The following NET1 variants were observed in gnomAD, a reference collection of about 807,000 sequenced individuals.
NET1 encodes the protein neuroepithelial cell-transforming gene 1 protein.
A neutral mutation model predicts 61.1 loss-of-function variants in NET1; 42 were observed. The observed-to-expected ratio is 0.69, with a 90% confidence interval of 0.54 to 0.89. The LOEUF (loss-of-function observed/expected upper bound fraction) is 0.89. Ranked by LOEUF, NET1 falls within the 40% of genes least tolerant of loss-of-function variation. NET1 has a pLI of 0.00. For synonymous variants in NET1, 254 were observed against 281.8 expected (o/e 0.90, Z 0.99); for missense variants, 654 against 747.3 (o/e 0.88, Z 1.46).
At position 5,417,655 on chromosome 10, in the gene NET1, GC is replaced by G; in HGVS notation, c.128+4838del. Among the ~76,000 whole-genome samples, 1 of 152,112 alleles carries G rather than the reference GC, an allele frequency of 6.6e-6. No homozygotes were observed. Among genetic ancestry groups the G allele is most frequent in the Non-Finnish European group, 1.5e-5 (1 of 68,016 alleles). On this transcript the variant is annotated intron_variant, in intron 1 of 11. Coordinates refer to ENST00000355029, the MANE Select transcript of NET1 (RefSeq NM_001047160.3). This position sits in a 1 kb window ranked among gnomAD's most constrained non-coding sequence, Gnocchi z 5.5. Reference sequence around the variant, plus strand: ...TTACTTCTTTTTCCAATCTCTGGATGCCCTTTACTTTTTTCTCTTTCCTAAT... The same window carrying G: ...TTACTTCTTTTTCCAATCTCTGGATGCCTTTACTTTTTTCTCTTTCCTAAT...
At chr10:5,438,861 G>C (rs1309327962) in intron 3 of NET1, among the ~76,000 whole-genome samples, 1 of 152,206 alleles carries the variant, frequency 6.6e-6, no homozygotes, top group Non-Finnish European at 1.5e-5. Context: ...AACCAGCCTT[G>C]GTAAAAGAGC....
intron 3 of NET1, among the ~76,000 whole-genome samples, chr10:5,445,337 C>A (rs1454590754): frequency 6.6e-6 from 1 of 152,230 alleles, no homozygotes; most frequent in Non-Finnish European, 1.5e-5. Context: ...GAAGTGGTTT[C>A]TCTTCCAGAA....
intron 3 of NET1, among the ~76,000 whole-genome samples, chr10:5,442,877 T>A (rs201467447): frequency 7.1e-6 from 1 of 141,598 alleles, no homozygotes; most frequent in Non-Finnish European, 1.5e-5. Flanking sequence ...ACCCTGTCTT[T>A]AAAAAAAAAA....
At chr10:5,436,225 C>CATATATATATAT (rs1411296575) in intron 3 of NET1, among the ~76,000 whole-genome samples, 5 of 24,624 alleles carry the variant, frequency 2.0e-4, no homozygotes, top group African/African-American at 9.6e-4. Context: ...TGTGTGTGTG[C>CATATATATATAT]ATATATATAT....
At chr10:5,433,919 A>C (rs1049279870) in intron 3 of NET1, among the ~76,000 whole-genome samples, 2 of 55,426 alleles carry the variant, frequency 3.6e-5, no homozygotes, top group South Asian at 8.0e-4. Context: ...ATTCTGAAAT[A>C]ATTTTTTTTA....
chr10:5,446,601 C>CG lies in NET1; in HGVS notation c.256-5227dup. On this transcript the variant is annotated intron_variant, in intron 3 of 11. Transcript: ENST00000355029. The surrounding 1 kb of genome is among the most constrained non-coding windows in gnomAD (Gnocchi z 5.0). ...CCCTGGGGTCGGTGCTTGCTGCCTGCGGCTCTCAGAAGCCTCTGCTCCACC... is the reference window on the plus strand; with the variant it reads ...CCCTGGGGTCGGTGCTTGCTGCCTGCGGGCTCTCAGAAGCCTCTGCTCCACC... The CG allele has an allele frequency of 8.2e-7, 1 of 1,216,118 alleles. No homozygotes were observed. The highest frequency in any genetic ancestry group is 4.3e-5 in the Admixed American group (1 of 23,320). 75.3% of individuals were successfully genotyped at this position (1,216,118 alleles called of 1,614,324 possible).
rs1306747620 is a variant in NET1 at position 5,452,708 on chromosome 10, C to G, written c.532-150C>G. 8 of 923,462 alleles carry G rather than the reference C, an allele frequency of 8.7e-6. No individual in the cohort carries two copies. Among genetic ancestry groups the G allele is most frequent in the African/African-American group, 3.4e-5 (2 of 59,466 alleles). 57.2% of individuals were successfully genotyped at this position (923,462 alleles called of 1,614,324 possible). On this transcript the variant is annotated intron_variant, in intron 5 of 11. Coordinates refer to ENST00000355029, the MANE Select transcript of NET1 (RefSeq NM_001047160.3). The surrounding 1 kb of genome is among the most constrained non-coding windows in gnomAD (Gnocchi z 4.0). ...GTAAACTTACCAAACATACGGCAAC[C>G]TTGTATTTGAGATTCCATTCTGAAT... is the stretch of plus-strand genomic sequence containing the variant.
intron 3 of NET1, among the ~76,000 whole-genome samples, chr10:5,429,725 A>G (rs543893082): frequency 8.7e-4 from 132 of 152,236 alleles, no homozygotes; most frequent in Non-Finnish European, 1.5e-3. Context: ...GTGACATAGA[A>G]TAAACTAACA....
intron 1 of NET1, among the ~76,000 whole-genome samples, chr10:5,418,721 G>T (rs1411169482): frequency 6.6e-6 from 1 of 151,948 alleles, no homozygotes; most frequent in Non-Finnish European, 1.5e-5. Flanking sequence ...CATGCTTTAG[G>T]TTTAGTTGGC....
rs570917011 is a variant in NET1 at position 5,458,894 on chromosome 10, G to A, written c.*1900G>A. ...TGTTGTATAGAATAGTTATTCCAGA[G>A]TTACCTTGATCAGCTTCTGAAGTTT... is the stretch of plus-strand genomic sequence containing the variant. On this transcript the variant is annotated 3_prime_UTR_variant, in exon 12 of 12. Coordinates refer to ENST00000355029, the MANE Select transcript of NET1 (RefSeq NM_001047160.3). This position sits in a 1 kb window ranked among gnomAD's most constrained non-coding sequence, Gnocchi z 4.5. Among the ~76,000 whole-genome samples, 83 of 152,310 alleles carry A rather than the reference G, an allele frequency of 5.4e-4. No individual in the cohort carries two copies. The highest frequency in any genetic ancestry group is 3.4e-3 in the Middle Eastern group (1 of 294).
rs1453665145 is a variant in NET1, at chr10:5,451,137, T to G, written c.256-693T>G. Among the ~76,000 whole-genome samples, 1 of 152,198 alleles carries G rather than the reference T, an allele frequency of 6.6e-6. No individual in the cohort carries two copies. The highest frequency in any genetic ancestry group is 1.5e-5 in the Non-Finnish European group (1 of 68,036). On this transcript the variant is annotated intron_variant, in intron 3 of 11. Coordinates refer to ENST00000355029, the MANE Select transcript of NET1 (RefSeq NM_001047160.3). The surrounding 1 kb of genome is among the most constrained non-coding windows in gnomAD (Gnocchi z 6.1). ...CAACTTCATAAGAGAAGTGCTACTT[T>G]TAGCCCCATTTTATAGATGAGAAAA...
In NET1 at chr10:5,453,019, G is replaced by T; in HGVS notation, c.594+99G>T. 1.1e-6 allele frequency: 1 copy of T among 884,904 alleles called. No individual in the cohort carries two copies. Among genetic ancestry groups the T allele is most frequent in the Non-Finnish European group, 1.8e-6 (1 of 540,940 alleles). The allele number at this position is 884,904 out of a possible 1,614,324, so 54.8% of individuals were successfully genotyped here. ...CTTAACCTTTAGAAGTAGAAGAATA[G>T]AAAATATCTACTGGTGAATACATTT... On this transcript the variant is annotated intron_variant, in intron 6 of 11. Transcript: ENST00000355029. This position sits in a 1 kb window ranked among gnomAD's most constrained non-coding sequence, Gnocchi z 4.9.
chr10:5,430,938 C>G (rs1832340653), intron 3 of NET1, among the ~76,000 whole-genome samples: 1 of 147,950 alleles, frequency 6.8e-6, no homozygotes, highest in Non-Finnish European at 1.5e-5. Flanking sequence ...GTGGCGCGAT[C>G]TCTGCTCACT....
In NET1 at chr10:5,424,361, AGT is replaced by A. The variant is rs552830348; in HGVS notation, c.129-2290_129-2289del. Among the ~76,000 whole-genome samples the A allele has an allele frequency of 1.1e-4, 16 of 152,328 alleles. No individual in the cohort carries two copies. The South Asian group carries it at 3.1e-3, about 30-fold the overall frequency. Reference sequence around the variant, plus strand: ...ATTAATTCCTAGAGCAGTATTTTTAAGTGTGATCTGTGGACTCATGACAGAGA... The same window carrying A: ...ATTAATTCCTAGAGCAGTATTTTTAAGTGATCTGTGGACTCATGACAGAGA... On this transcript the variant is annotated intron_variant, in intron 1 of 11. Coordinates refer to ENST00000355029, the MANE Select transcript of NET1 (RefSeq NM_001047160.3). This position sits in a 1 kb window ranked among gnomAD's most constrained non-coding sequence, Gnocchi z 6.1.
rs1248390332 is a variant in NET1, at chr10:5,417,083, T to C, written c.128+4263T>C. Among the ~76,000 whole-genome samples, 3 of 152,176 alleles carry C rather than the reference T, an allele frequency of 2.0e-5. No homozygotes were observed. Among genetic ancestry groups the C allele is most frequent in the Non-Finnish European group, 4.4e-5 (3 of 68,022 alleles). On this transcript the variant is annotated intron_variant, in intron 1 of 11. Transcript: ENST00000355029. The surrounding 1 kb of genome is among the most constrained non-coding windows in gnomAD (Gnocchi z 5.5). ...AGCCAGAAGGGAAATGGTTTTGCCC[T>C]GGTGTCAGGTTGCCCGATTCTCCTC...
chr10:5,457,007 G>T lies in NET1; in HGVS notation c.*13G>T, dbSNP rs753876895. On this transcript the variant is annotated 3_prime_UTR_variant, in exon 12 of 12. Coordinates refer to ENST00000355029, the MANE Select transcript of NET1 (RefSeq NM_001047160.3). The surrounding 1 kb of genome is among the most constrained non-coding windows in gnomAD (Gnocchi z 5.4). ...GACTTTGGTGTAGAGAAGGCTCTGT[G>T]TGTTAACTGATGGGAGAGACTGTTT... The T allele has an allele frequency of 1.4e-5, 22 of 1,526,032 alleles. No individual in the cohort carries two copies. Among genetic ancestry groups the T allele is most frequent in the Non-Finnish European group, 1.9e-5 (22 of 1,137,658 alleles). 94.5% of individuals were successfully genotyped at this position (1,526,032 alleles called of 1,614,324 possible). A position where few individuals can be genotyped will look rare whatever the true frequency, so the allele number is the denominator to read the frequency against.
Position 5,434,258 on chromosome 10 carries a change from T to G in NET1, c.255+5029T>G, listed in dbSNP as rs143879794. On this transcript the variant is annotated intron_variant, in intron 3 of 11. Coordinates refer to ENST00000355029, the MANE Select transcript of NET1 (RefSeq NM_001047160.3). ...GTATGGTTTCATCCTTTCTGAGATC[T>G]TTTCTGCTCCCTTTCTCTTTTATCT... Among the ~76,000 whole-genome samples the G allele has an allele frequency of 1.1e-3, 162 of 152,356 alleles. 1 individual carries two copies. The highest frequency in any genetic ancestry group is 3.7e-3 in the African/African-American group (155 of 41,586).
At position 5,439,973 on chromosome 10, in the gene NET1, T is replaced by C. The variant is rs973741971; in HGVS notation, c.255+10744T>C. Among the ~76,000 whole-genome samples, 8 of 152,204 alleles carry C rather than the reference T, an allele frequency of 5.3e-5. No individual in the cohort carries two copies. Among genetic ancestry groups the C allele is most frequent in the Non-Finnish European group, 1.0e-4 (7 of 68,026 alleles). ...TCCTGCTAGCACTGTGCCTAGAAGA[T>C]GCAAGGTGCAACACCTGTCCTTTCC... On this transcript the variant is annotated intron_variant, in intron 3 of 11. Coordinates refer to ENST00000355029, the MANE Select transcript of NET1 (RefSeq NM_001047160.3). This position sits in a 1 kb window ranked among gnomAD's most constrained non-coding sequence, Gnocchi z 4.8.
intron 3 of NET1, among the ~76,000 whole-genome samples, chr10:5,429,773 A>G (rs570683313): frequency 6.6e-6 from 1 of 152,352 alleles, no homozygotes; most frequent in African/African-American, 2.4e-5. Flanking sequence ...GTTTTCTTAT[A>G]TGAAATTGTA....
Sources: gnomAD v4.1 joint callset for allele counts (sites outside exome capture counted in the v4.1 genomes callset) on GRCh38, gnomAD v4.1.1 for gene constraint, Gnocchi (gnomAD v3.1) non-coding constraint, MANE v1.5 for transcripts, NCBI Gene and HGNC (gene_info 2026-07-23, HGNC 2026-07-21) for gene names.